METTL25: variants seen among roughly 807,000 people sequenced by gnomAD.
METTL25 encodes the protein methyltransferase like 25.
METTL25 carries 64 observed loss-of-function variants against 71.6 expected under a neutral mutation model. The observed-to-expected ratio is 0.89, with a 90% CI of 0.73 to 1.10. The LOEUF is 1.10. Ranked by LOEUF, METTL25 falls within the 50% of genes least tolerant of loss-of-function variation. The pLI is 0.00. For synonymous variants in METTL25, 287 were observed against 250.3 expected (o/e 1.15, Z -1.38); for missense variants, 807 against 707.0 (o/e 1.14, Z -1.60).
intron 5 of METTL25, among the ~76,000 whole-genome samples, chr12:82,425,159 G>A (rs935747529): frequency 6.6e-6 from 1 of 151,944 alleles, no homozygotes; most frequent in Non-Finnish European, 1.5e-5. Context: ...ACTGACAGAG[G>A]GTGCTCACAG....
chr12:82,361,844 G>T (rs1339434984), intron 1 of METTL25, among the ~76,000 whole-genome samples: 1 of 152,178 alleles, frequency 6.6e-6, no homozygotes, highest in Non-Finnish European at 1.5e-5. Flanking sequence ...TCCAGCCTCG[G>T]CCAGCCTAGA....
chr12:82,477,483 T>C (rs1892943688), intron 11 of METTL25, 131 bp downstream of exon 11: 1 of 459,558 alleles, frequency 2.2e-6, no homozygotes, highest in Non-Finnish European at 3.9e-6. Flanking sequence ...ATTTTCATAG[T>C]TTAAATGTTC....
At chr12:82,367,688 G>A (rs1372927809) in intron 1 of METTL25, among the ~76,000 whole-genome samples, 2 of 152,062 alleles carry the variant, frequency 1.3e-5, no homozygotes, top group Non-Finnish European at 2.9e-5. Context: ...CAGATTTATT[G>A]TCCAAAACCG....
At chr12:82,401,891 G>T (rs1886654797) in intron 4 of METTL25, among the ~76,000 whole-genome samples, 1 of 151,952 alleles carries the variant, frequency 6.6e-6, no homozygotes, top group Non-Finnish European at 1.5e-5. Flanking sequence ...AAATTTTTTA[G>T]TTCCAAATGG....
chr12:82,366,575 AT>A (rs755507690), intron 1 of METTL25, among the ~76,000 whole-genome samples: 375 of 127,230 alleles, frequency 2.9e-3, no homozygotes, highest in Middle Eastern at 0.014. Flanking sequence ...GCTTGTCTTT[AT>A]TTTTTTTTTT....
At chr12:82,467,636 G>C (rs1892317709) in intron 9 of METTL25, among the ~76,000 whole-genome samples, 1 of 151,872 alleles carries the variant, frequency 6.6e-6, no homozygotes, top group African/African-American at 2.4e-5. Flanking sequence ...TAAGCTTTCT[G>C]CTGAAAAAAT....
At chr12:82,359,948 C>T (rs1377410521) in intron 1 of METTL25, among the ~76,000 whole-genome samples, 1 of 152,164 alleles carries the variant, frequency 6.6e-6, no homozygotes, top group Non-Finnish European at 1.5e-5. Context: ...AAGTTAGGCA[C>T]TTCTTCAGTT....
intron 1 of METTL25, among the ~76,000 whole-genome samples, chr12:82,361,777 C>T (rs1384688163): frequency 6.6e-6 from 1 of 152,188 alleles, no homozygotes; most frequent in Non-Finnish European, 1.5e-5. Flanking sequence ...GGCGCGCAGC[C>T]CTGGTTCCCA....
Position 82,398,823 on chromosome 12 carries a change from A to G in METTL25, c.560A>G (p.Tyr187Cys), listed in dbSNP as rs1207078023. The change falls in exon 4 of 12, where the codon TAC (tyrosine) becomes TGC (cysteine). Residue 187 changes from tyrosine (Y) to cysteine (C), a missense_variant. By Grantham distance (194) the Tyr-to-Cys change is radical (BLOSUM62 -2). Coordinates refer to ENST00000248306, the MANE Select transcript of METTL25 (RefSeq NM_032230.3). ...QVIDLGSGKGYLSSFLSLKYG... is the reference protein window; with the variant it reads ...QVIDLGSGKGCLSSFLSLKYG... The stretch of plus-strand genomic sequence containing the variant: ...ATTGACTTGGGTTCCGGTAAAGGCT[A>G]CCTAAGCTCTTTTTTGTCCTTGAAG... The G allele has an allele frequency of 2.6e-6, 4 of 1,566,910 alleles. No individual in the cohort carries two copies. The highest frequency in any genetic ancestry group is 1.2e-5 in the South Asian group (1 of 81,494).
intron 3 of METTL25, among the ~76,000 whole-genome samples, chr12:82,392,297 T>G (rs1255612097): frequency 7.3e-6 from 1 of 136,970 alleles, no homozygotes; most frequent in African/African-American, 2.7e-5. Flanking sequence ...GATGTTCCCC[T>G]TCCTGTGTCC....
At chr12:82,454,325 G>A (rs1400999960) in intron 8 of METTL25, among the ~76,000 whole-genome samples, 1 of 151,972 alleles carries the variant, frequency 6.6e-6, no homozygotes, top group Admixed American at 6.6e-5. Context: ...CAAAGCAGAG[G>A]GATTGAGAGT....
intron 7 of METTL25, among the ~76,000 whole-genome samples, chr12:82,438,186 C>G (rs1165671871): frequency 1.3e-5 from 2 of 151,610 alleles, no homozygotes; most frequent in Non-Finnish European, 3.0e-5. Flanking sequence ...TATGTTCTTT[C>G]CAAGGCTCTA....
intron 8 of METTL25, among the ~76,000 whole-genome samples, chr12:82,445,441 G>A (rs1471389699): frequency 6.6e-6 from 1 of 151,822 alleles, no homozygotes; most frequent in African/African-American, 2.4e-5. Context: ...TAATTTTATA[G>A]CCACCTCTTA....
chr12:82,445,218 C>T (rs1249109910), intron 8 of METTL25, among the ~76,000 whole-genome samples: 2 of 151,872 alleles, frequency 1.3e-5, no homozygotes, highest in African/African-American at 2.4e-5. Flanking sequence ...AAAATGAGGT[C>T]TATCTTGAAT....
intron 3 of METTL25, among the ~76,000 whole-genome samples, chr12:82,390,131 C>G (rs555512503): frequency 7.4e-4 from 113 of 152,114 alleles, no homozygotes; most frequent in Non-Finnish European, 6.6e-4. Flanking sequence ...ATAGTAAAAT[C>G]AAGACATGAC....
intron 6 of METTL25, among the ~76,000 whole-genome samples, chr12:82,434,480 T>C (rs542975588): frequency 6.6e-6 from 1 of 151,690 alleles, no homozygotes; most frequent in East Asian, 1.9e-4. Flanking sequence ...TGTGTTTGTG[T>C]ATATGACACA....
At chr12:82,452,688 G>A (rs1785574361) in intron 8 of METTL25, among the ~76,000 whole-genome samples, 1 of 152,066 alleles carries the variant, frequency 6.6e-6, no homozygotes, top group South Asian at 2.1e-4. Flanking sequence ...AAGCCTTCTA[G>A]AAATTGGTCT....
intron 8 of METTL25, 24 bp downstream of exon 8, chr12:82,438,815 G>A: frequency 6.7e-7 from 1 of 1,490,292 alleles, no homozygotes; most frequent in South Asian, 1.3e-5. Flanking sequence ...ATTTTAATAA[G>A]AATAACTATG....
chr12:82,442,395 A>G lies in METTL25; in HGVS notation c.1478+3604A>G, dbSNP rs139573904. 2.6e-3 allele frequency among the ~76,000 whole-genome samples: 390 copies of G among 152,304 alleles called. 2 individuals carry two copies. Among genetic ancestry groups the G allele is most frequent in the African/African-American group, 8.9e-3 (368 of 41,576 alleles). ...AATCCATGCCATGAAATACTAAGCAATAAAACAAAAAGTATTGTGGATACA... is the reference window on the plus strand; with the variant it reads ...AATCCATGCCATGAAATACTAAGCAGTAAAACAAAAAGTATTGTGGATACA... On this transcript the variant is annotated intron_variant, in intron 8 of 11. Coordinates refer to ENST00000248306, the MANE Select transcript of METTL25 (RefSeq NM_032230.3).
Sources: gnomAD v4.1 joint callset for allele counts (sites outside exome capture counted in the v4.1 genomes callset) on GRCh38, gnomAD v4.1.1 for gene constraint, MANE v1.5 for transcripts, NCBI Gene and HGNC (gene_info 2026-07-23, HGNC 2026-07-21) for gene names.